Variants in RFC1 observed in about 807,000 individuals in gnomAD.
RFC1 encodes replication factor C subunit 1.
A neutral mutation model predicts 137.4 loss-of-function variants in RFC1; 37 were observed. That is an observed-to-expected ratio of 0.27 (90% CI 0.21 to 0.35). The LOEUF (loss-of-function observed/expected upper bound fraction) is 0.35, where lower values mean the gene tolerates loss of function less well. Among genes scored for constraint, RFC1 ranks in the 10% least tolerant of loss-of-function variants. The pLI, the probability that RFC1 is intolerant of heterozygous loss-of-function variation, is 1.00. For synonymous variants in RFC1, 429 were observed against 455.7 expected, an observed-to-expected ratio of 0.94 and a Z score of 0.75; for missense variants, 1,205 against 1,358.5, an observed-to-expected ratio of 0.89 and a Z score of 1.78.
intron 4 of RFC1, among the ~76,000 whole-genome samples, chr4:39,332,286 G>T (rs1418471519): frequency 1.3e-5 from 2 of 152,140 alleles, no homozygotes; most frequent in Non-Finnish European, 2.9e-5. Flanking sequence ...TTCAGAGTCA[G>T]TGCTTTAGTT....
rs368305612 is a variant in RFC1, at chr4:39,351,417, T to G, written c.63A>C (p.Val21=). 1 of 1,582,358 alleles carries G rather than the reference T, an allele frequency of 6.3e-7. No homozygotes were observed. The highest frequency in any genetic ancestry group is 1.4e-5 in the African/African-American group (1 of 73,134). Residue 21 remains valine, a synonymous_variant, in exon 2 of 25, where the codon GTA becomes GTC. Coordinates refer to ENST00000349703, the MANE Select transcript of RFC1 (RefSeq NM_002913.5). ...CAGACTTTGTTTTCTCATTCTTCTT[T>G]ACTGTTTCACTTACAAGTTTCTTTC... ...PSGKKLVSET[V]KKNEKTKSDE... is the part of the protein sequence containing the mutation.
intron 21 of RFC1, among the ~76,000 whole-genome samples, chr4:39,296,820 A>G (rs1246062976): frequency 1.3e-5 from 2 of 149,406 alleles, no homozygotes; most frequent in African/African-American, 4.9e-5. Flanking sequence ...TCCCTGAGGA[A>G]TCGCCACACT....
At chr4:39,323,311 A>C in intron 7 of RFC1, 29 bp downstream of exon 7, 1 of 1,599,388 alleles carries the variant, frequency 6.3e-7, no homozygotes, top group Non-Finnish European at 8.6e-7. Context: ...CTGTATATTC[A>C]GAACGCAAAT....
chr4:39,308,410 T>C (rs891967841), intron 13 of RFC1, among the ~76,000 whole-genome samples: 2 of 152,168 alleles, frequency 1.3e-5, no homozygotes, highest in Non-Finnish European at 2.9e-5. Context: ...TATATTTTAA[T>C]GGCTGGTTCA....
chr4:39,359,821 CAAA>C (rs1220382587), intron 1 of RFC1, among the ~76,000 whole-genome samples: 6 of 70,550 alleles, frequency 8.5e-5, no homozygotes, highest in African/African-American at 5.5e-5. Context: ...GACTCTGTCT[CAAA>C]AAAAAAAAAA....
At chr4:39,344,875 C>A (rs1001160899) in intron 3 of RFC1, among the ~76,000 whole-genome samples, 2 of 152,130 alleles carry the variant, frequency 1.3e-5, no homozygotes, top group African/African-American at 2.4e-5. Flanking sequence ...CTGAAGGAAT[C>A]TTTAATACAA....
chr4:39,354,749 CAAAAAAA>C (rs34342477), intron 1 of RFC1, among the ~76,000 whole-genome samples: 5 of 51,008 alleles, frequency 9.8e-5, no homozygotes, highest in South Asian at 9.4e-4. Context: ...GAAACTATCT[CAAAAAAA>C]AAAAAAAAAA....
intron 1 of RFC1, among the ~76,000 whole-genome samples, chr4:39,364,435 C>A (rs1344012095): frequency 6.6e-6 from 1 of 152,058 alleles, no homozygotes; most frequent in Non-Finnish European, 1.5e-5. Context: ...GGATGTTTAC[C>A]CACTAACAAC....
chr4:39,334,662 C>A (rs1560612139), intron 4 of RFC1, among the ~76,000 whole-genome samples: 1 of 152,142 alleles, frequency 6.6e-6, no homozygotes, highest in Non-Finnish European at 1.5e-5. Flanking sequence ...CAGAAACTTA[C>A]AATAAAATAA....
In RFC1 at chr4:39,295,824, T is replaced by C. The variant is rs145795145; in HGVS notation, c.2809-65A>G. The C allele has an allele frequency of 1.2e-3, 1,782 of 1,478,564 alleles. 17 individuals are homozygous for C. The African/African-American group carries it at 0.018, about 15-fold the overall frequency. The allele number at this position is 1,478,564 out of a possible 1,614,324, so 91.6% of individuals were successfully genotyped here. The stretch of plus-strand genomic sequence containing the variant: ...TACAAAGTTACTTCCTTAATAGTCA[T>C]TGGCTTCCAAACAGTCTACGGAAGA... On this transcript the variant is annotated intron_variant, in intron 21 of 24. Coordinates refer to ENST00000349703, the MANE Select transcript of RFC1 (RefSeq NM_002913.5).
At chr4:39,318,696 G>A (rs997618159) in intron 9 of RFC1, among the ~76,000 whole-genome samples, 2 of 152,142 alleles carry the variant, frequency 1.3e-5, no homozygotes. Context: ...TGTGCCTGAA[G>A]AAAACCATTC....
intron 12 of RFC1, among the ~76,000 whole-genome samples, chr4:39,310,276 T>C (rs967381186): frequency 6.6e-6 from 1 of 152,142 alleles, no homozygotes; most frequent in African/African-American, 2.4e-5. Context: ...GGGAGAAGAC[T>C]AAGAAGACAC....
chr4:39,362,071 C>T (rs1056184044), intron 1 of RFC1, among the ~76,000 whole-genome samples: 1 of 151,876 alleles, frequency 6.6e-6, no homozygotes, highest in Non-Finnish European at 1.5e-5. Context: ...AAAAAAATCA[C>T]CAAAAAGAAT....
chr4:39,299,980 T>TG lies in RFC1; in HGVS notation c.2808+40_2808+41insC, dbSNP rs1560591030. Reference sequence around the variant, plus strand: ...GCTAAAAGCTATTTAGTTCTCTTAGTAAAAGCAGAGCCTGCATGTTAGGGA... The same window carrying TG: ...GCTAAAAGCTATTTAGTTCTCTTAGTGAAAAGCAGAGCCTGCATGTTAGGGA... On this transcript the variant is annotated intron_variant, in intron 21 of 24. Coordinates refer to ENST00000349703, the MANE Select transcript of RFC1 (RefSeq NM_002913.5). 4.3e-6 allele frequency: 5 copies of TG among 1,160,566 alleles called. No homozygotes were observed. In the African/African-American group the frequency reaches 7.6e-5, roughly 18 times the overall value. 71.9% of individuals were successfully genotyped at this position (1,160,566 alleles called of 1,614,324 possible).
intron 12 of RFC1, among the ~76,000 whole-genome samples, chr4:39,310,226 T>G (rs1203927213): frequency 1.3e-5 from 2 of 152,166 alleles, no homozygotes; most frequent in East Asian, 3.9e-4. Flanking sequence ...AGTGTCAAGG[T>G]TGTAAGAAGA....
At chr4:39,296,391 A>G (rs1738004708) in intron 21 of RFC1, among the ~76,000 whole-genome samples, 1 of 112,400 alleles carries the variant, frequency 8.9e-6, no homozygotes, top group Admixed American at 8.8e-5. Context: ...TCCCAATGCT[A>G]TCCCTCCCCC....
intron 21 of RFC1, among the ~76,000 whole-genome samples, chr4:39,299,673 CG>C (rs1348632907): frequency 6.7e-6 from 1 of 149,648 alleles, no homozygotes; most frequent in Non-Finnish European, 1.5e-5. Context: ...AGGAAACAGA[CG>C]ATAGTTACCA....
intron 2 of RFC1, among the ~76,000 whole-genome samples, chr4:39,350,696 G>A (rs1315989611): frequency 2.0e-5 from 3 of 152,136 alleles, no homozygotes; most frequent in Non-Finnish European, 4.4e-5. Context: ...AAAACTTATA[G>A]AGGTTTATCA....
intron 10 of RFC1, among the ~76,000 whole-genome samples, chr4:39,315,741 A>AT (rs1739207434): frequency 6.6e-6 from 1 of 152,014 alleles, no homozygotes; most frequent in African/African-American, 2.4e-5. Context: ...AGTCCCATAG[A>AT]TTTTGCCTCT....
Sources: allele counts gnomAD v4.1 joint callset (sites outside exome capture counted in the v4.1 genomes callset), GRCh38; gene constraint gnomAD v4.1.1; transcripts MANE v1.5; gene names NCBI Gene and HGNC (gene_info 2026-07-23, HGNC 2026-07-21).